DMXL1: variants seen among roughly 807,000 people sequenced by gnomAD.
DMXL1 encodes the protein dmX-like protein 1.
In DMXL1, 99 loss-of-function variants were observed where a neutral mutation model predicts 319.2. The observed-to-expected ratio is 0.31, with a 90% CI of 0.26 to 0.37. The LOEUF is 0.37. DMXL1 is among the 10% of genes least tolerant of loss of function. The pLI, the probability that DMXL1 is intolerant of heterozygous loss-of-function variation, is 1.00. For synonymous variants in DMXL1, 1,385 were observed against 1,235.2 expected (o/e 1.12, Z -2.54); for missense variants, 3,745 against 3,595.6 (o/e 1.04, Z -1.06).
intron 1 of DMXL1, among the ~76,000 whole-genome samples, chr5:119,082,010 TATATATATATAC>T (rs1265707821): frequency 0.035 from 2,703 of 77,084 alleles, 67 homozygotes; most frequent in African/African-American, 0.087. Flanking sequence ...TATATATATA[TATATATATATAC>T]ACACACACAC....
chr5:119,192,734 C>T (rs1360239173), intron 29 of DMXL1, among the ~76,000 whole-genome samples: 2 of 151,958 alleles, frequency 1.3e-5, no homozygotes, highest in Non-Finnish European at 2.9e-5. Flanking sequence ...TTTTCTTAAA[C>T]TTACTATTTA....
In DMXL1 at chr5:119,189,766, G is replaced by A. The variant is rs777643777; in HGVS notation, c.7194G>A (p.Met2398Ile). The A allele has an allele frequency of 6.8e-6, 11 of 1,613,976 alleles. No homozygotes were observed. The African/African-American group carries it at 1.2e-4, about 18-fold the overall frequency. The change falls in exon 29 of 44, where the codon ATG becomes ATA. Residue 2398 changes from methionine (M) to isoleucine (I), a missense_variant. By Grantham distance (10) the Met-to-Ile change is conservative. This residue lies in a region of DMXL1 where 1,382 missense variants were observed against 1,269.5 expected (regional missense o/e 1.09). Coordinates refer to ENST00000539542, the MANE Select transcript of DMXL1 (RefSeq NM_001290321.3). ...ACAAACGTTTTAGGCCGTCAAAAAT[G>A]TCTTGCAGAGAATCTGCCCCACTGA... ...KQNKRFRPSKMSCRESAPLTP... is the reference protein window; with the variant it reads ...KQNKRFRPSKISCRESAPLTP...
chr5:119,105,172 A>G lies in DMXL1; in HGVS notation c.286-8A>G, dbSNP rs770973342. Reference sequence around the variant, plus strand: ...CATAATGGGCTAAATGACTTTTCTTAATTTTAGGAATTATATAGTCAGTGG... The same window carrying G: ...CATAATGGGCTAAATGACTTTTCTTGATTTTAGGAATTATATAGTCAGTGG... On this transcript the variant is annotated splice_polypyrimidine_tract_variant and splice_region_variant and intron_variant, in intron 3 of 43. Transcript: ENST00000539542. The G allele has an allele frequency of 6.3e-7, 1 of 1,593,184 alleles. No homozygotes were observed. The highest frequency in any genetic ancestry group is 8.6e-7 in the Non-Finnish European group (1 of 1,161,538).
At chr5:119,089,791 T>G (rs868639790) in intron 1 of DMXL1, among the ~76,000 whole-genome samples, 113 of 151,552 alleles carry the variant, frequency 7.5e-4, no homozygotes, top group Middle Eastern at 3.4e-3. Flanking sequence ...CATACCCAGC[T>G]AATTTTGTAT....
At chr5:119,215,626 C>T (rs1783548261) in intron 34 of DMXL1, among the ~76,000 whole-genome samples, 1 of 152,140 alleles carries the variant, frequency 6.6e-6, no homozygotes, top group Admixed American at 6.6e-5. Context: ...GCCACCACAC[C>T]TGACCTTAGT....
At chr5:119,196,283 A>G (rs756520381) in intron 30 of DMXL1, 88 bp from the exon 31 acceptor site, 5 of 975,142 alleles carry the variant, frequency 5.1e-6, no homozygotes, top group Non-Finnish European at 8.3e-6. Context: ...TTGATTCCTG[A>G]TAGTGGAATT....
At position 119,071,671 on chromosome 5, in the gene DMXL1, C is replaced by T; in HGVS notation, c.87+15C>T. 6.4e-7 allele frequency: 1 copy of T among 1,572,504 alleles called. No homozygotes were observed. The highest frequency in any genetic ancestry group is 8.6e-7 in the Non-Finnish European group (1 of 1,159,622). ...AGCGCTTCACGGTGAGTGAGGGAGG[C>T]CCTCGCGTCGCCCGTGGCCCGGCCT... On this transcript the variant is annotated intron_variant, in intron 1 of 43. Transcript: ENST00000539542.
chr5:119,205,790 T>C (rs1300117669), intron 33 of DMXL1, among the ~76,000 whole-genome samples: 1 of 152,106 alleles, frequency 6.6e-6, no homozygotes, highest in Non-Finnish European at 1.5e-5. Context: ...AATTAATCTT[T>C]ACCGGAAAGG....
intron 1 of DMXL1, among the ~76,000 whole-genome samples, chr5:119,085,692 C>T (rs1394317986): frequency 2.0e-5 from 3 of 151,984 alleles, no homozygotes; most frequent in African/African-American, 7.3e-5. Flanking sequence ...TTTTCTCTTG[C>T]TTAACTGCTC....
intron 19 of DMXL1, among the ~76,000 whole-genome samples, chr5:119,162,284 A>T (rs1331133451): frequency 6.6e-6 from 1 of 152,108 alleles, no homozygotes; most frequent in African/African-American, 2.4e-5. Context: ...GGCATTTTCT[A>T]ATCTGTGGCT....
rs752530581 is a variant in DMXL1 at position 119,166,623 on chromosome 5, A to G, written c.4978A>G (p.Lys1660Glu). Residue 1660 changes from lysine to glutamate, a missense_variant, in exon 22 of 44, where the codon AAA becomes GAA. Lys to Glu is a moderately conservative substitution (Grantham distance 56). This residue lies in a region of DMXL1 where 2,096 missense variants were observed against 1,985.4 expected (regional missense o/e 1.06). Coordinates refer to ENST00000539542, the MANE Select transcript of DMXL1 (RefSeq NM_001290321.3). ...AVIWGLYRAE[K>E]NTRMTQFFGH... Reference sequence around the variant, plus strand: ...ATTTTTTTTCCTTTATAGAGCTGAAAAAAACACCAGGATGACACAGTTTTT... The same window carrying G: ...ATTTTTTTTCCTTTATAGAGCTGAAGAAAACACCAGGATGACACAGTTTTT... 4.4e-6 allele frequency: 7 copies of G among 1,604,840 alleles called. No individual in the cohort carries two copies. Among genetic ancestry groups the G allele is most frequent in the African/African-American group, 1.3e-5 (1 of 74,436 alleles).
chr5:119,076,588 G>A (rs1309843491), intron 1 of DMXL1, among the ~76,000 whole-genome samples: 3 of 152,126 alleles, frequency 2.0e-5, no homozygotes, highest in Non-Finnish European at 4.4e-5. Flanking sequence ...CAGTGTTTAA[G>A]TACCTTTAAA....
chr5:119,176,850 C>T (rs1413893939), intron 26 of DMXL1, among the ~76,000 whole-genome samples: 2 of 152,138 alleles, frequency 1.3e-5, no homozygotes, highest in East Asian at 1.9e-4. Context: ...GTGTGAAATA[C>T]TCCTCTGTAT....
chr5:119,129,410 A>T lies in DMXL1; in HGVS notation c.1302A>T (p.Val434=). The T allele has an allele frequency of 6.2e-7, 1 of 1,605,050 alleles. No homozygotes were observed. The highest frequency in any genetic ancestry group is 1.1e-5 in the South Asian group (1 of 88,380). ...TAGAAGATTCTAATCAGGCAGATGT[A>T]AAATCTGATGAAGGTAAACTTTAAG... is the stretch of plus-strand genomic sequence containing the variant. ...ASVEDSNQAD[V]KSDEETDDGV... Residue 434 remains valine (V), a synonymous_variant, in exon 10 of 44, where the codon GTA becomes GTT. Transcript: ENST00000539542.
intron 26 of DMXL1, 109 bp downstream of exon 26, chr5:119,175,446 A>G (rs1775615670): frequency 9.4e-6 from 7 of 744,276 alleles, no homozygotes; most frequent in Admixed American, 3.2e-5. Flanking sequence ...AAATAATGCA[A>G]AAAGCATATG....
chr5:119,220,344 A>T (rs971524842), intron 35 of DMXL1, 128 bp from the exon 36 acceptor site: 4 of 718,802 alleles, frequency 5.6e-6, no homozygotes, highest in Admixed American at 6.3e-5. Context: ...AAAAGTAAGA[A>T]TGCTGTATAT....
chr5:119,152,688 T>G (rs1231175024), intron 19 of DMXL1, among the ~76,000 whole-genome samples: 1 of 152,200 alleles, frequency 6.6e-6, no homozygotes, highest in Non-Finnish European at 1.5e-5. Context: ...GAGTTCAAAG[T>G]AAGAGAAATC....
At chr5:119,232,454 TTGATAA>T (rs1187744194) in intron 38 of DMXL1, among the ~76,000 whole-genome samples, 11 of 152,176 alleles carry the variant, frequency 7.2e-5, no homozygotes, top group Admixed American at 2.0e-4. Flanking sequence ...CACATTAATA[TTGATAA>T]TGATACTCTA....
At chr5:119,116,001 A>G (rs376008416) in intron 6 of DMXL1, among the ~76,000 whole-genome samples, 157 bp from the exon 7 acceptor site, 115 of 152,316 alleles carry the variant, frequency 7.6e-4, no homozygotes, top group African/African-American at 2.7e-3. Context: ...GCTAATAGAA[A>G]AGTGCCAGAA....
Sources: gnomAD v4.1 joint callset for allele counts (sites outside exome capture counted in the v4.1 genomes callset) on GRCh38, gnomAD v4.1.1 for gene constraint, gnomAD v4.1.1 regional missense constraint, MANE v1.5 for transcripts, NCBI Gene and HGNC (gene_info 2026-07-23, HGNC 2026-07-21) for gene names.